Variants in PLEKHA7 observed in about 807,000 individuals in gnomAD.
PLEKHA7 encodes the protein pleckstrin homology domain-containing family A member 7.
A neutral mutation model predicts 170.0 loss-of-function variants in PLEKHA7; 104 were observed. That is an observed-to-expected ratio of 0.61 (90% confidence interval 0.52 to 0.72). The LOEUF (loss-of-function observed/expected upper bound fraction) is 0.72, where lower values mean the gene tolerates loss of function less well. PLEKHA7 is among the 30% of genes least tolerant of loss of function. The pLI is 0.00. For synonymous variants in PLEKHA7, 648 were observed against 660.8 expected (o/e 0.98, Z 0.30); for missense variants, 1,615 against 1,671.7 (o/e 0.97, Z 0.59).
At chr11:16,855,052 C>G in intron 5 of PLEKHA7, 59 bp from the exon 6 acceptor site, 15 of 1,467,384 alleles carry the variant, frequency 1.0e-5, no homozygotes, top group Non-Finnish European at 1.4e-5. Flanking sequence ...CAAAAAAGCA[C>G]TTGTATGTTA....
At chr11:16,856,780 A>G (rs1853491568) in intron 4 of PLEKHA7, among the ~76,000 whole-genome samples, 1 of 152,220 alleles carries the variant, frequency 6.6e-6, no homozygotes, top group Non-Finnish European at 1.5e-5. Flanking sequence ...ATCCCTGGAC[A>G]GCTGGATGCC....
intron 3 of PLEKHA7, among the ~76,000 whole-genome samples, chr11:16,931,761 C>T (rs1393413041): frequency 1.4e-5 from 2 of 146,574 alleles, no homozygotes; most frequent in African/African-American, 5.3e-5. Context: ...TCCATCCCCC[C>T]CCCCCCAAAA....
At chr11:16,813,558 C>T (rs1849530913) in intron 12 of PLEKHA7, among the ~76,000 whole-genome samples, 1 of 152,346 alleles carries the variant, frequency 6.6e-6, no homozygotes, top group Non-Finnish European at 1.5e-5. Context: ...TTCCATCCAT[C>T]AAACCTTTGG....
intron 7 of PLEKHA7, 87 bp from the exon 8 acceptor site, chr11:16,851,378 T>G: frequency 4.5e-6 from 4 of 896,048 alleles, no homozygotes; most frequent in Non-Finnish European, 6.8e-6. Flanking sequence ...TTCAGCCAAG[T>G]TGTTTCCTCC....
intron 9 of PLEKHA7, among the ~76,000 whole-genome samples, chr11:16,835,847 C>T (rs1851469587): frequency 6.6e-6 from 1 of 152,180 alleles, no homozygotes; most frequent in Non-Finnish European, 1.5e-5. Context: ...CTGGCCTGGA[C>T]ATTGATTACT....
chr11:16,965,803 G>A (rs1862337820), intron 3 of PLEKHA7, among the ~76,000 whole-genome samples: 1 of 152,228 alleles, frequency 6.6e-6, no homozygotes, highest in Non-Finnish European at 1.5e-5. Context: ...CTATGTCAGT[G>A]AGTGGCTGTA....
intron 9 of PLEKHA7, among the ~76,000 whole-genome samples, chr11:16,836,817 GT>G (rs377241006): frequency 6.9e-6 from 1 of 145,904 alleles, no homozygotes; most frequent in Non-Finnish European, 1.5e-5. Context: ...TGTTTTTTCT[GT>G]TTTTTTTGTT....
intron 3 of PLEKHA7, among the ~76,000 whole-genome samples, chr11:16,955,171 A>G (rs1311502579): frequency 1.3e-5 from 2 of 152,184 alleles, no homozygotes; most frequent in East Asian, 1.9e-4. Context: ...GAAACCCCCA[A>G]TGAACCCTGA....
chr11:16,872,344 C>T (rs564984148), intron 3 of PLEKHA7, among the ~76,000 whole-genome samples: 1 of 152,050 alleles, frequency 6.6e-6, no homozygotes, highest in East Asian at 1.9e-4. Flanking sequence ...GGGTATGTTC[C>T]CCTTCCAAGT....
At chr11:16,997,101 G>T (rs921499389) in intron 3 of PLEKHA7, among the ~76,000 whole-genome samples, 1 of 152,240 alleles carries the variant, frequency 6.6e-6, no homozygotes, top group Non-Finnish European at 1.5e-5. Context: ...GGAGTCCCCT[G>T]CCCCAAGGCT....
At chr11:17,007,202 G>A (rs1015606303) in intron 3 of PLEKHA7, among the ~76,000 whole-genome samples, 2 of 152,198 alleles carry the variant, frequency 1.3e-5, no homozygotes, top group African/African-American at 4.8e-5. Context: ...CCTAGCATAT[G>A]AGGTAAATGC....
intron 3 of PLEKHA7, among the ~76,000 whole-genome samples, chr11:16,883,208 C>T (rs754681123): frequency 2.0e-5 from 3 of 152,102 alleles, no homozygotes; most frequent in Admixed American, 6.6e-5. Flanking sequence ...GAAACCACAT[C>T]GGGCACCAGC....
rs569214703 is a variant in PLEKHA7, at chr11:16,864,707, T to A, written c.305+6392A>T. Among the ~76,000 whole-genome samples the A allele has an allele frequency of 6.6e-5, 10 of 152,348 alleles. No individual in the cohort carries two copies. In the East Asian group the frequency reaches 1.9e-3, roughly 29 times the overall value. On this transcript the variant is annotated intron_variant, in intron 4 of 26. Coordinates refer to ENST00000531066, the MANE Select transcript of PLEKHA7 (RefSeq NM_001329630.2). Reference sequence around the variant, plus strand: ...CTCTCTTGCCTGCAGCCATGTAAGATGTGACTTTGCTCCTTATTTGCCTTC... The same window carrying A: ...CTCTCTTGCCTGCAGCCATGTAAGAAGTGACTTTGCTCCTTATTTGCCTTC...
intron 3 of PLEKHA7, among the ~76,000 whole-genome samples, chr11:16,994,553 C>A (rs1167943889): frequency 1.3e-5 from 2 of 152,136 alleles, no homozygotes; most frequent in Non-Finnish European, 2.9e-5. Context: ...CCAGCATATT[C>A]CACCTTCCTC....
At chr11:16,899,940 G>C (rs1323412754) in intron 3 of PLEKHA7, among the ~76,000 whole-genome samples, 1 of 152,232 alleles carries the variant, frequency 6.6e-6, no homozygotes, top group East Asian at 1.9e-4. Flanking sequence ...AGGGAGCCCA[G>C]GTGCTAGGGG....
intron 13 of PLEKHA7, among the ~76,000 whole-genome samples, chr11:16,805,294 A>G (rs890535578): frequency 2.0e-5 from 3 of 152,228 alleles, no homozygotes; most frequent in Non-Finnish European, 4.4e-5. Context: ...CAGGAAAAGA[A>G]TGAGATATTT....
Position 16,871,196 on chromosome 11 carries a change from G to C in PLEKHA7, c.222-14C>G, listed in dbSNP as rs369435956. 23 of 1,584,394 alleles carry C rather than the reference G, an allele frequency of 1.5e-5. No individual in the cohort carries two copies. The highest frequency in any genetic ancestry group is 1.9e-5 in the Non-Finnish European group (22 of 1,153,486). On this transcript the variant is annotated splice_polypyrimidine_tract_variant and intron_variant, in intron 3 of 26. Transcript: ENST00000531066. The stretch of plus-strand genomic sequence containing the variant: ...TGCTGGTTATGGCTAAAGAGAAAGA[G>C]AGAAGATGGATGAGAATTCGTGTGA...
intron 3 of PLEKHA7, among the ~76,000 whole-genome samples, chr11:16,902,778 T>C (rs1207045225): frequency 6.6e-6 from 1 of 152,200 alleles, no homozygotes; most frequent in Non-Finnish European, 1.5e-5. Flanking sequence ...CTCTGCAATG[T>C]AGAGATAATA....
chr11:16,803,268 G>A lies in PLEKHA7; in HGVS notation c.2035C>T (p.Arg679Ter). The stretch of plus-strand genomic sequence containing the variant: ...GCGATCTTCACAGGCTTCAGACTTC[G>A]ATCCTTGAGAAGGTCCCGGCCTGTC... ...KMTGRDLLKD[R>*]SLKPVKIAES... The change falls in exon 14 of 27, where the codon CGA (arginine) becomes TGA (stop). Residue 679 changes from arginine to a stop codon, truncating the protein, a stop_gained. Coordinates refer to ENST00000531066, the MANE Select transcript of PLEKHA7 (RefSeq NM_001329630.2). LOFTEE classifies it high-confidence loss of function. 6.2e-7 allele frequency: 1 copy of A among 1,613,886 alleles called. No individual in the cohort carries two copies. Among genetic ancestry groups the A allele is most frequent in the Non-Finnish European group, 8.5e-7 (1 of 1,179,800 alleles).
Sources: allele counts gnomAD v4.1 joint callset (sites outside exome capture counted in the v4.1 genomes callset), GRCh38; gene constraint gnomAD v4.1.1; transcripts MANE v1.5; gene names NCBI Gene and HGNC (gene_info 2026-07-23, HGNC 2026-07-21).